Variants in SUN1 observed in about 807,000 individuals in gnomAD.
SUN1 encodes the protein Sad1 and UNC84 domain containing 1, also known as SUN domain-containing protein 1.
SUN1 carries 61 observed loss-of-function variants against 103.2 expected under a neutral mutation model. The ratio of observed to expected loss-of-function variants is 0.59; its 90% CI spans 0.48 to 0.73. The LOEUF (loss-of-function observed/expected upper bound fraction) is 0.73. Among genes scored for constraint, SUN1 ranks in the 30% least tolerant of loss-of-function variants. The probability of loss-of-function intolerance (pLI) is 0.00; values close to 1 mark genes in which losing one functional copy is unlikely to be tolerated. For missense variants in SUN1, 1,052 were observed against 1,034.6 expected (o/e 1.02, Z -0.23); for synonymous variants, 490 against 425.7 (o/e 1.15, Z -1.86).
rs748864625 is a variant in SUN1, at chr7:853,617, A to AG, written c.1263+1dup. On this transcript the variant is annotated frameshift_variant and splice_region_variant, in exon 10 of 19. Coordinates refer to ENST00000401592, the MANE Select transcript of SUN1 (RefSeq NM_001130965.3). LOFTEE classifies it high-confidence loss of function. ...GACGCTGTGGGACAGCCCCCGAGGG[A>AG]GGTGGGTGCTGCCGGGCTACCAGGC... The AG allele has an allele frequency of 8.1e-6, 13 of 1,600,484 alleles. No individual in the cohort carries two copies. In the African/African-American group the frequency reaches 1.7e-4, roughly 21 times the overall value.
At chr7:857,158 G>A (rs1027261030) in intron 12 of SUN1, among the ~76,000 whole-genome samples, 3 of 152,054 alleles carry the variant, frequency 2.0e-5, no homozygotes, top group African/African-American at 4.8e-5. Context: ...AGCCCTCCCC[G>A]CCTGTAGATT....
At chr7:830,771 C>T (rs941493041), upstream of SUN1, among the ~76,000 whole-genome samples, 2 of 151,842 alleles carry the variant, frequency 1.3e-5, no homozygotes, top group African/African-American at 2.4e-5. Context: ...AGGGTGGGAG[C>T]GGGAGTGGGT....
At chr7:866,859 T>C (rs1837375883) in intron 16 of SUN1, among the ~76,000 whole-genome samples, 1 of 150,952 alleles carries the variant, frequency 6.6e-6, no homozygotes, top group East Asian at 2.0e-4. Context: ...ACTGCTTTTC[T>C]GTGGCTTCAT....
intron 5 of SUN1, among the ~76,000 whole-genome samples, chr7:847,405 T>A (rs1234380508): frequency 1.3e-5 from 2 of 148,712 alleles, no homozygotes; most frequent in Non-Finnish European, 3.0e-5. Flanking sequence ...CGGGATCCCC[T>A]GGGGGTTACC....
At chr7:827,474 T>TG (rs1178275236) in intron 1 of SUN1, among the ~76,000 whole-genome samples, 3 of 142,872 alleles carry the variant, frequency 2.1e-5, no homozygotes, top group Admixed American at 1.4e-4. Flanking sequence ...CCGTTTTTTT[T>TG]TTTTTTTTTT....
rs1369715544 is a variant in SUN1 at position 874,397 on chromosome 7, G to A, written c.*1066G>A. ...ATTTTACTGAGCAGACTTTATAAAT[G>A]AGATATCTACAAGGCACTTAAAGTG... On this transcript the variant is annotated 3_prime_UTR_variant, in exon 19 of 19. Transcript: ENST00000401592. 1 of 152,748 alleles carries A rather than the reference G, an allele frequency of 6.5e-6. No homozygotes were observed. Among genetic ancestry groups the A allele is most frequent in the African/African-American group, 2.4e-5 (1 of 41,582 alleles). 9.5% of individuals were successfully genotyped at this position (152,748 alleles called of 1,614,324 possible). A position where few individuals can be genotyped will look rare whatever the true frequency, so the allele number is the denominator to read the frequency against.
intron 13 of SUN1, among the ~76,000 whole-genome samples, chr7:859,611 G>C (rs1212801674): frequency 1.3e-5 from 2 of 152,160 alleles, no homozygotes; most frequent in African/African-American, 4.8e-5. Context: ...TCGTGTCCTA[G>C]GAGGCTTTGC....
intron 1 of SUN1, among the ~76,000 whole-genome samples, chr7:834,892 A>G (rs1801490841): frequency 6.6e-6 from 1 of 152,142 alleles, no homozygotes; most frequent in African/African-American, 2.4e-5. Flanking sequence ...CCTGGCCAAC[A>G]TGGTGAAACC....
rs372377655 is a variant in SUN1, at chr7:843,405, C to T, written c.543C>T (p.Asn181=). 349 of 1,613,086 alleles carry T rather than the reference C, an allele frequency of 2.2e-4. No homozygotes were observed. Among genetic ancestry groups the T allele is most frequent in the Non-Finnish European group, 2.7e-4 (313 of 1,179,358 alleles). Residue 181 remains asparagine (N), a synonymous_variant, in exon 5 of 19, where the codon AAC becomes AAT. Transcript: ENST00000401592. ...GAGCCGCCGCCGCCACCGCGCACAACGGCTTCTCCTGCAGCAACTGCAGCA... is the reference window on the plus strand; with the variant it reads ...GAGCCGCCGCCGCCACCGCGCACAATGGCTTCTCCTGCAGCAACTGCAGCA... ...DVGAAAATAH[N]GFSCSNCSML... is the part of the protein sequence containing the mutation.
chr7:854,952 A>G lies in SUN1; in HGVS notation c.1296A>G (p.Glu432=), dbSNP rs761026434. The G allele has an allele frequency of 9.9e-6, 16 of 1,613,728 alleles. No individual in the cohort carries two copies. In the East Asian group the frequency reaches 1.1e-4, roughly 11 times the overall value. ...TTATGGCCTTTCACCAAGAACATGAAGTGCGTATGTCACACTTGGAAGATA... is the reference window on the plus strand; with the variant it reads ...TTATGGCCTTTCACCAAGAACATGAGGTGCGTATGTCACACTTGGAAGATA... ...TDFMAFHQEH[E]VRMSHLEDIL... The change falls in exon 11 of 19, where the codon GAA becomes GAG. Residue 432 remains glutamate, a synonymous_variant. Transcript: ENST00000401592.
At chr7:819,242 C>T (rs1215764077) in intron 1 of SUN1, among the ~76,000 whole-genome samples, 1 of 151,160 alleles carries the variant, frequency 6.6e-6, no homozygotes, top group Non-Finnish European at 1.5e-5. Context: ...TATACTAGAC[C>T]CTCATTAGAC....
intron 5 of SUN1, chr7:850,565 C>G (rs1820905509): frequency 2.6e-5 from 4 of 154,098 alleles, no homozygotes; most frequent in Admixed American, 2.5e-4. Flanking sequence ...TTCTCATAAG[C>G]CATATTTCTT....
chr7:851,230 A>G (rs1821804281), intron 5 of SUN1, 154 bp from the exon 6 acceptor site: 2 of 564,150 alleles, frequency 3.5e-6, no homozygotes, highest in African/African-American at 1.9e-5. Context: ...AGCACTTACA[A>G]GAGTTATTTG....
At chr7:866,184 G>A in intron 16 of SUN1, 117 bp downstream of exon 16, 1 of 851,614 alleles carries the variant, frequency 1.2e-6, no homozygotes, top group Non-Finnish European at 1.9e-6. Flanking sequence ...CTGTGGAACT[G>A]GTACCACAAG....
chr7:852,125 T>C lies in SUN1; in HGVS notation c.851+82T>C. On this transcript the variant is annotated intron_variant, in intron 7 of 18. Coordinates refer to ENST00000401592, the MANE Select transcript of SUN1 (RefSeq NM_001130965.3). Reference sequence around the variant, plus strand: ...TTGCAGGCTCTCATTTGATTTGTTATTTTGTAAGGATTTAGCTTATATTTA... The same window carrying C: ...TTGCAGGCTCTCATTTGATTTGTTACTTTGTAAGGATTTAGCTTATATTTA... 4 of 1,255,662 alleles carry C rather than the reference T, an allele frequency of 3.2e-6. No individual in the cohort carries two copies. In the South Asian group the frequency reaches 3.7e-5, roughly 12 times the overall value. The allele number at this position is 1,255,662 out of a possible 1,614,324, so 77.8% of individuals were successfully genotyped here.
intron 5 of SUN1, chr7:848,431 C>G: frequency 7.4e-7 from 1 of 1,359,664 alleles, no homozygotes; most frequent in Middle Eastern, 2.1e-4. Context: ...GTGCGTCTTT[C>G]TACGTGAATA....
chr7:858,636 C>G (rs955766323), intron 13 of SUN1, among the ~76,000 whole-genome samples: 2 of 152,022 alleles, frequency 1.3e-5, no homozygotes, highest in Non-Finnish European at 1.5e-5. Flanking sequence ...TGTTTCGTGT[C>G]GAAACATATC....
At chr7:821,618 C>T (rs1786111188) in intron 1 of SUN1, among the ~76,000 whole-genome samples, 2 of 152,134 alleles carry the variant, frequency 1.3e-5, no homozygotes, top group Admixed American at 6.5e-5. Context: ...AATCTGCTTA[C>T]AGTAAATGCC....
intron 5 of SUN1, among the ~76,000 whole-genome samples, chr7:847,432 G>C (rs921373003): frequency 5.5e-5 from 8 of 145,992 alleles, no homozygotes; most frequent in Non-Finnish European, 1.2e-4. Context: ...CACCCTCTCC[G>C]GGATCCCCTG....
Sources: allele counts gnomAD v4.1 joint callset (sites outside exome capture counted in the v4.1 genomes callset), GRCh38; gene constraint gnomAD v4.1.1; transcripts MANE v1.5; gene names NCBI Gene and HGNC (gene_info 2026-07-23, HGNC 2026-07-21).